ADAMTSL1: variants seen among roughly 807,000 people sequenced by gnomAD.
ADAMTSL1 encodes the protein ADAMTS like 1.
A neutral mutation model predicts 201.8 loss-of-function variants in ADAMTSL1; 126 were observed. The ratio of observed to expected loss-of-function variants is 0.62; its 90% CI spans 0.54 to 0.72. The LOEUF (loss-of-function observed/expected upper bound fraction) is 0.72, where lower values mean the gene tolerates loss of function less well. Ranked by LOEUF, ADAMTSL1 falls within the 30% of genes least tolerant of loss-of-function variation. ADAMTSL1 has a pLI of 0.00. For missense variants in ADAMTSL1, 2,679 were observed against 2,277.8 expected, an observed-to-expected ratio of 1.18 and a Z score of -3.59; for synonymous variants, 1,121 against 903.4, an observed-to-expected ratio of 1.24 and a Z score of -4.32.
At chr9:18,229,995 C>A (rs577291583) in intron 2 of ADAMTSL1, among the ~76,000 whole-genome samples, 1 of 152,300 alleles carries the variant, frequency 6.6e-6, no homozygotes, top group South Asian at 2.1e-4. Context: ...CCGCACCCAG[C>A]CATTTAACCA....
Position 18,805,285 on chromosome 9 carries a change from G to A in ADAMTSL1, c.3805+9761G>A, listed in dbSNP as rs150999161. Among the ~76,000 whole-genome samples, 4 of 152,308 alleles carry A rather than the reference G, an allele frequency of 2.6e-5. No homozygotes were observed. In the East Asian group the frequency reaches 7.7e-4, roughly 29 times the overall value. On this transcript the variant is annotated intron_variant, in intron 20 of 28. Coordinates refer to ENST00000380548, the MANE Select transcript of ADAMTSL1 (RefSeq NM_001040272.6). ...TAAATTATTTCTTCTAATTACACTG[G>A]AATTCTCAGAGTTGTTCAAAATAGA...
At chr9:18,241,421 A>G (rs1026593004) in intron 2 of ADAMTSL1, among the ~76,000 whole-genome samples, 1 of 152,122 alleles carries the variant, frequency 6.6e-6, no homozygotes, top group Non-Finnish European at 1.5e-5. Context: ...GTCTTGCTCC[A>G]TCAATGATAT....
At position 18,776,953 on chromosome 9, in the gene ADAMTSL1, C is replaced by CA; in HGVS notation, c.2725dup (p.Ile909AsnfsTer51). On this transcript the variant is annotated frameshift_variant, in exon 19 of 29. Coordinates refer to ENST00000380548, the MANE Select transcript of ADAMTSL1 (RefSeq NM_001040272.6). LOFTEE classifies it high-confidence loss of function. ...CGGCGCGCAGGGTCCGCAAGCCCCT[C>CA]ATCACCTGGGAGAAGGACGGCCAGC... is the stretch of plus-strand genomic sequence containing the variant. 1 of 1,599,288 alleles carries CA rather than the reference C, an allele frequency of 6.3e-7. No homozygotes were observed. Among genetic ancestry groups the CA allele is most frequent in the African/African-American group, 1.3e-5 (1 of 74,656 alleles).
rs190664919 is a variant in ADAMTSL1, at chr9:18,254,394, G to T, written c.207+90413G>T. Among the ~76,000 whole-genome samples, 243 of 99,372 alleles carry T rather than the reference G, an allele frequency of 2.4e-3. 1 individual carries two copies. Among genetic ancestry groups the T allele is most frequent in the African/African-American group, 8.7e-3 (222 of 25,656 alleles). The allele number at this position is 99,372 out of a possible 152,430, so 65.2% of individuals were successfully genotyped here. ...TTTTTTTTTTTTGAGATGGAATCTC[G>T]CTCTGTCCCCCAGGCTGGAGTACAG... On this transcript the variant is annotated intron_variant, in intron 2 of 29. Coordinates refer to the ADAMTSL1 transcript ENST00000680146.
At chr9:18,343,342 C>T (rs181640451) in intron 2 of ADAMTSL1, among the ~76,000 whole-genome samples, 6 of 151,902 alleles carry the variant, frequency 3.9e-5, no homozygotes, top group African/African-American at 1.4e-4. Flanking sequence ...TCCTTTTCAC[C>T]CTCTCTCTCT....
At chr9:18,648,687 C>A (rs988991665) in intron 7 of ADAMTSL1, among the ~76,000 whole-genome samples, 12 of 151,932 alleles carry the variant, frequency 7.9e-5, no homozygotes, top group Admixed American at 5.3e-4. Flanking sequence ...GTTGAAAATT[C>A]TTTTCTTTAA....
rs75751704 is a variant in ADAMTSL1, at chr9:18,174,639, A to G, written c.207+10658A>G. 1.9e-3 allele frequency among the ~76,000 whole-genome samples: 289 copies of G among 152,208 alleles called. 3 individuals are homozygous for G. The highest frequency in any genetic ancestry group is 6.7e-3 in the African/African-American group (279 of 41,532). On this transcript the variant is annotated intron_variant, in intron 2 of 29. Transcript: ENST00000680146. ...TTTTTTAGTTTTTAGAGTTAGTGCT[A>G]TTTCAGAGTAGGTAGAAATTTGCAT...
intron 23 of ADAMTSL1, among the ~76,000 whole-genome samples, chr9:18,872,054 A>T (rs1444769082): frequency 6.6e-6 from 1 of 152,132 alleles, no homozygotes; most frequent in Non-Finnish European, 1.5e-5. Flanking sequence ...GCCACACTAC[A>T]AGTTTTCTCA....
chr9:18,624,081 AG>A (rs1459582527), intron 5 of ADAMTSL1, among the ~76,000 whole-genome samples: 5 of 152,344 alleles, frequency 3.3e-5, no homozygotes, highest in Non-Finnish European at 7.3e-5. Context: ...GCAGAAACAA[AG>A]AATGGGGACT....
intron 1 of ADAMTSL1, among the ~76,000 whole-genome samples, chr9:17,948,871 A>G (rs17185631): frequency 0.16 from 24,402 of 152,290 alleles, 2,524 homozygotes; most frequent in Middle Eastern, 0.25. Context: ...CAGCTGGGAC[A>G]TGTGATTGTG....
At chr9:18,484,911 C>A (rs944713090) in intron 1 of ADAMTSL1, among the ~76,000 whole-genome samples, 3 of 152,058 alleles carry the variant, frequency 2.0e-5, no homozygotes, top group Non-Finnish European at 2.9e-5. Flanking sequence ...AAAGTAGAGA[C>A]AAGTTTCTAA....
At chr9:18,351,819 G>A (rs1162706954) in intron 2 of ADAMTSL1, among the ~76,000 whole-genome samples, 1 of 152,156 alleles carries the variant, frequency 6.6e-6, no homozygotes, top group Non-Finnish European at 1.5e-5. Context: ...AACCAATGTG[G>A]TATAGAGTAG....
intron 23 of ADAMTSL1, among the ~76,000 whole-genome samples, chr9:18,838,723 G>C (rs62549134): frequency 0.073 from 11,003 of 151,676 alleles, 508 homozygotes; most frequent in East Asian, 0.17. Flanking sequence ...CAAGCTGCTT[G>C]GGAGGCTGAG....
intron 2 of ADAMTSL1, among the ~76,000 whole-genome samples, chr9:18,266,430 G>GAGT (rs1316788377): frequency 3.3e-5 from 5 of 152,182 alleles, no homozygotes; most frequent in Admixed American, 3.3e-4. Context: ...AAACTGATTT[G>GAGT]AGTAGACAGC....
chr9:18,725,488 G>T (rs1174624122), intron 15 of ADAMTSL1, among the ~76,000 whole-genome samples: 2 of 152,144 alleles, frequency 1.3e-5, no homozygotes, highest in Non-Finnish European at 2.9e-5. Context: ...TGAGTAATTT[G>T]TGTGTCTAAA....
intron 1 of ADAMTSL1, among the ~76,000 whole-genome samples, chr9:18,022,375 C>T (rs1032697012): frequency 3.9e-5 from 6 of 152,106 alleles, no homozygotes; most frequent in Admixed American, 3.3e-4. Context: ...ATTATTGATG[C>T]TCGGTTATTT....
chr9:18,588,036 G>C (rs1823630288), intron 4 of ADAMTSL1, among the ~76,000 whole-genome samples: 1 of 152,062 alleles, frequency 6.6e-6, no homozygotes, highest in African/African-American at 2.4e-5. Context: ...TTAGTTTTTT[G>C]AGGATCCTCC....
intron 2 of ADAMTSL1, among the ~76,000 whole-genome samples, chr9:18,395,578 G>T (rs1260174983): frequency 6.6e-6 from 1 of 152,162 alleles, no homozygotes; most frequent in Non-Finnish European, 1.5e-5. Context: ...AAAATTCAAT[G>T]AATGAATGGT....
intron 23 of ADAMTSL1, among the ~76,000 whole-genome samples, chr9:18,840,131 A>C (rs1367906435): frequency 6.8e-6 from 1 of 148,092 alleles, no homozygotes; most frequent in Non-Finnish European, 1.5e-5. Flanking sequence ...CCTGAATGGT[A>C]ATGCCTAGGT....
Sources: allele counts gnomAD v4.1 joint callset (sites outside exome capture counted in the v4.1 genomes callset), GRCh38; gene constraint gnomAD v4.1.1; transcripts MANE v1.5; gene names NCBI Gene and HGNC (gene_info 2026-07-23, HGNC 2026-07-21).